Variants in BTBD3 observed in about 807,000 individuals in gnomAD.
BTBD3 encodes BTB/POZ domain-containing protein 3.
Under a neutral mutation model 41.6 loss-of-function variants are expected in BTBD3, and 14 were observed. The ratio of observed to expected loss-of-function variants is 0.34; its 90% CI spans 0.22 to 0.53. The LOEUF is 0.53. Ranked by LOEUF, BTBD3 falls within the 20% of genes least tolerant of loss-of-function variation. The pLI is 0.95. For missense variants in BTBD3, 426 were observed against 654.7 expected, an observed-to-expected ratio of 0.65 and a Z score of 3.81; for synonymous variants, 249 against 233.7, an observed-to-expected ratio of 1.07 and a Z score of -0.60.
intron 3 of BTBD3, chr20:11,921,770 T>C (rs929503605): frequency 6.6e-6 from 1 of 152,190 alleles, no homozygotes; most frequent in African/African-American, 2.4e-5. Flanking sequence ...TTCACTAAGG[T>C]GAAATACAAT....
Position 11,918,616 on chromosome 20 carries a change from A to T in BTBD3, c.326+15A>T, listed in dbSNP as rs751445830. 4 of 1,554,692 alleles carry T rather than the reference A, an allele frequency of 2.6e-6. No homozygotes were observed. The African/African-American group carries it at 4.2e-5, about 16-fold the overall frequency. On this transcript the variant is annotated intron_variant, in intron 1 of 3. Coordinates refer to ENST00000378226, the MANE Select transcript of BTBD3 (RefSeq NM_014962.4). Reference sequence around the variant, plus strand: ...ATTAGAGAGAGGTAAGTGCCGCGCTAGTCTATTTACTTTAAAAGTTTTCCT... The same window carrying T: ...ATTAGAGAGAGGTAAGTGCCGCGCTTGTCTATTTACTTTAAAAGTTTTCCT...
At chr20:11,895,703 G>A (rs1344405681) in intron 1 of BTBD3, among the ~76,000 whole-genome samples, 1 of 152,186 alleles carries the variant, frequency 6.6e-6, no homozygotes, top group Non-Finnish European at 1.5e-5. Flanking sequence ...TTCTAGGATT[G>A]TCTGCCAATG....
At chr20:11,911,063 G>A (rs1283725151) in intron 1 of BTBD3, among the ~76,000 whole-genome samples, 2 of 152,018 alleles carry the variant, frequency 1.3e-5, no homozygotes, top group East Asian at 3.9e-4. Flanking sequence ...CTGTTGAATT[G>A]TACAAATTTT....
At chr20:11,900,257 C>A (rs1436241972) in intron 1 of BTBD3, among the ~76,000 whole-genome samples, 3 of 152,178 alleles carry the variant, frequency 2.0e-5, no homozygotes, top group Non-Finnish European at 2.9e-5. Flanking sequence ...AGTGCTGTTA[C>A]AAATTCATTT....
intron 1 of BTBD3, among the ~76,000 whole-genome samples, chr20:11,911,240 G>T (rs1290166934): frequency 6.6e-6 from 1 of 152,116 alleles, no homozygotes; most frequent in Non-Finnish European, 1.5e-5. Flanking sequence ...GGTGGGGGAG[G>T]CACAAGGAAT....
intron 1 of BTBD3, among the ~76,000 whole-genome samples, chr20:11,904,208 G>A (rs1422323270): frequency 1.3e-5 from 2 of 152,184 alleles, no homozygotes; most frequent in African/African-American, 4.8e-5. Context: ...GGCTCTACAG[G>A]AAGCATGGCT....
In BTBD3 at chr20:11,926,215, A is replaced by G. The variant is rs946775940; in HGVS notation, c.*2549A>G. On this transcript the variant is annotated 3_prime_UTR_variant, in exon 4 of 4. Transcript: ENST00000378226. ...CACTGTAGATGCTTTTCCCCAACGT[A>G]TCTGGCTGGCAGTCTTTGTCGTTGT... The G allele has an allele frequency of 6.5e-6, 1 of 152,800 alleles. No homozygotes were observed. Among genetic ancestry groups the G allele is most frequent in the East Asian group, 1.9e-4 (1 of 5,192 alleles). 9.5% of individuals were successfully genotyped at this position (152,800 alleles called of 1,614,324 possible).
In BTBD3 at chr20:11,923,575, A is replaced by G. The variant is rs770453056; in HGVS notation, c.1478A>G (p.Lys493Arg). 1 of 1,614,080 alleles carries G rather than the reference A, an allele frequency of 6.2e-7. No individual in the cohort carries two copies. The highest frequency in any genetic ancestry group is 1.3e-5 in the African/African-American group (1 of 74,930). Residue 493 changes from lysine to arginine, a missense_variant, in exon 4 of 4, where the codon AAA (lysine) becomes AGA (arginine). Physicochemically the swap from Lys to Arg is conservative, Grantham distance 26 (BLOSUM62 2). Coordinates refer to ENST00000378226, the MANE Select transcript of BTBD3 (RefSeq NM_014962.4). This position sits in a 1 kb window ranked among gnomAD's most constrained non-coding sequence, Gnocchi z 5.3. The part of the protein sequence containing the change: ...QEGMTEVQCG[K>R]VTVQFQCSSD... ...GGCATGACAGAAGTTCAGTGTGGCA[A>G]AGTGACTGTCCAGTTTCAGTGCTCC...
chr20:11,922,277 G>A lies in BTBD3; in HGVS notation c.537-357G>A, dbSNP rs992955896. On this transcript the variant is annotated intron_variant, in intron 3 of 3. Coordinates refer to ENST00000378226, the MANE Select transcript of BTBD3 (RefSeq NM_014962.4). ...GAGACTATTCTTGGTTAAATATAAT[G>A]TAGTATATATAATAGAATTTTGCTA... Among the ~76,000 whole-genome samples the A allele has an allele frequency of 3.3e-5, 5 of 152,240 alleles. No individual in the cohort carries two copies. In the East Asian group the frequency reaches 9.7e-4, roughly 29 times the overall value.
chr20:11,911,723 T>A (rs552728069), intron 1 of BTBD3, among the ~76,000 whole-genome samples: 31 of 152,354 alleles, frequency 2.0e-4, no homozygotes, highest in African/African-American at 7.2e-4. Flanking sequence ...TGCCTTTTTT[T>A]ATTGAAGTAT....
At chr20:11,903,277 AAAAGTT>A (rs1285972516) in intron 1 of BTBD3, among the ~76,000 whole-genome samples, 1 of 152,230 alleles carries the variant, frequency 6.6e-6, no homozygotes, top group Non-Finnish European at 1.5e-5. Flanking sequence ...AATGAAAGAA[AAAAGTT>A]AACAAATTAT....
At chr20:11,910,749 T>C (rs1434785173) in intron 1 of BTBD3, among the ~76,000 whole-genome samples, 2 of 152,188 alleles carry the variant, frequency 1.3e-5, no homozygotes, top group African/African-American at 4.8e-5. Context: ...CTGATCAGTT[T>C]TATGTACATT....
At chr20:11,909,850 A>G (rs994269092) in intron 1 of BTBD3, 2 of 152,230 alleles carry the variant, frequency 1.3e-5, no homozygotes, top group Admixed American at 6.5e-5. Flanking sequence ...TTCATTTTAC[A>G]GTGAGCACAA....
chr20:11,914,198 A>T (rs1460562591), upstream of BTBD3, among the ~76,000 whole-genome samples: 2 of 152,172 alleles, frequency 1.3e-5, no homozygotes, highest in Non-Finnish European at 2.9e-5. Flanking sequence ...CCTTCAACCC[A>T]GTGGGTGATG....
intron 1 of BTBD3, among the ~76,000 whole-genome samples, chr20:11,891,153 C>T (rs1425037684): frequency 6.7e-6 from 1 of 148,408 alleles, no homozygotes; most frequent in Non-Finnish European, 1.5e-5. Flanking sequence ...TCGAGAGGCG[C>T]TGGCCGCGCG....
upstream of BTBD3, among the ~76,000 whole-genome samples, chr20:11,916,836 T>A (rs566055377): frequency 6.6e-6 from 1 of 152,282 alleles, no homozygotes; most frequent in Admixed American, 6.5e-5. Flanking sequence ...TGAGATTAAA[T>A]ATTTTAATTA....
At chr20:11,903,151 A>G (rs980478085) in intron 1 of BTBD3, among the ~76,000 whole-genome samples, 2 of 152,162 alleles carry the variant, frequency 1.3e-5, no homozygotes, top group African/African-American at 4.8e-5. Context: ...GTTTTCTTCT[A>G]TTTAGTATAT....
rs942450803 is a variant in BTBD3 at position 11,919,250 on chromosome 20, G to T, written c.417+74G>T. The T allele has an allele frequency of 1.5e-5, 22 of 1,443,660 alleles. No individual in the cohort carries two copies. The Admixed American group carries it at 4.4e-4, about 29-fold the overall frequency. 89.4% of individuals were successfully genotyped at this position (1,443,660 alleles called of 1,614,324 possible). On this transcript the variant is annotated intron_variant, in intron 2 of 3. Transcript: ENST00000378226. ...GACCCTTTCCATAAGCCTGTAACTT[G>T]GTGTGGGCAGCTTGCCGATGTCAGG...
intron 1 of BTBD3, among the ~76,000 whole-genome samples, chr20:11,905,268 T>C (rs533740734): frequency 6.6e-6 from 1 of 151,270 alleles, no homozygotes; most frequent in African/African-American, 2.5e-5. Context: ...TTGCTGCTTC[T>C]GTCAAGTAAC....
Sources: allele counts gnomAD v4.1 joint callset (sites outside exome capture counted in the v4.1 genomes callset), GRCh38; gene constraint gnomAD v4.1.1; non-coding constraint Gnocchi (gnomAD v3.1); transcripts MANE v1.5; gene names NCBI Gene and HGNC (gene_info 2026-07-23, HGNC 2026-07-21).